RGS21: variants seen among roughly 807,000 people sequenced by gnomAD.
RGS21 encodes regulator of G protein signaling 21, also known as regulator of G-protein signalling 21.
A neutral mutation model predicts 18.7 loss-of-function variants in RGS21; 19 were observed. That is an observed-to-expected ratio of 1.01 (90% CI 0.71 to 1.49). The LOEUF is 1.49. RGS21 is among the 40% of genes most tolerant of loss of function. The probability of loss-of-function intolerance (pLI) is 0.00; values close to 1 mark genes in which losing one functional copy is unlikely to be tolerated. For missense variants in RGS21, 194 were observed against 176.8 expected, an observed-to-expected ratio of 1.10 and a Z score of -0.55; for synonymous variants, 56 against 57.8, an observed-to-expected ratio of 0.97 and a Z score of 0.14.
At chr1:192,356,006 G>GA (rs1213896957) in intron 4 of RGS21, among the ~76,000 whole-genome samples, 1 of 151,434 alleles carries the variant, frequency 6.6e-6, no homozygotes, top group African/African-American at 2.4e-5. Context: ...AACAATCCAG[G>GA]AAAAAACACA....
Position 192,327,576 on chromosome 1 carries a change from G to A in RGS21, c.-61+10471G>A, listed in dbSNP as rs192908859. Among the ~76,000 whole-genome samples, 194 of 152,002 alleles carry A rather than the reference G, an allele frequency of 1.3e-3. 1 individual carries two copies. The highest frequency in any genetic ancestry group is 6.6e-3 in the Admixed American group (101 of 15,258). On this transcript the variant is annotated intron_variant, in intron 1 of 4. Transcript: ENST00000417209. The stretch of plus-strand genomic sequence containing the variant: ...CAACCTTCACCTCCTAAATTCAAGC[G>A]ATTCTTCTGCCTCAGCCTCCCGAGT...
rs1658968254 is a variant in RGS21 at position 192,347,390 on chromosome 1, G to C, written c.88+1G>C. 1 of 1,534,410 alleles carries C rather than the reference G, an allele frequency of 6.5e-7. No homozygotes were observed. Among genetic ancestry groups the C allele is most frequent in the Admixed American group, 1.7e-5 (1 of 59,770 alleles). On this transcript the variant is annotated splice_donor_variant, in intron 3 of 4. Transcript: ENST00000417209. LOFTEE classifies it high-confidence loss of function. ...ATGGACACGCTTTTAGCCAACCAAG[G>C]TAAGATTTAACTAATAATAGGCTTA...
At chr1:192,322,940 G>A (rs1658516576) in intron 1 of RGS21, among the ~76,000 whole-genome samples, 1 of 152,036 alleles carries the variant, frequency 6.6e-6, no homozygotes, top group African/African-American at 2.4e-5. Context: ...GTTGACTTCT[G>A]TTTTTAAAAA....
At chr1:192,324,341 T>C (rs1164227557) in intron 1 of RGS21, among the ~76,000 whole-genome samples, 2 of 152,120 alleles carry the variant, frequency 1.3e-5, no homozygotes, top group Non-Finnish European at 2.9e-5. Flanking sequence ...CATTAACATA[T>C]AATTTTTCCT....
rs185647374 is a variant in RGS21 at position 192,353,151 on chromosome 1, T to C, written c.255+938T>C. Among the ~76,000 whole-genome samples the C allele has an allele frequency of 1.5e-3, 234 of 152,028 alleles. 1 individual carries two copies. The highest frequency in any genetic ancestry group is 5.4e-3 in the African/African-American group (225 of 41,524). ...GAGGATTCATGGTATGAGAGGATGG[T>C]TGTACTTATAGGAAAAAAAGATAGA... On this transcript the variant is annotated intron_variant, in intron 4 of 4. Transcript: ENST00000417209.
In RGS21 at chr1:192,352,179, A is replaced by G; in HGVS notation, c.221A>G (p.Tyr74Cys). Residue 74 changes from tyrosine to cysteine, a missense_variant, in exon 4 of 5, where the codon TAT becomes TGT. Physicochemically the swap from Tyr to Cys is radical, Grantham distance 194 (BLOSUM62 -2). Coordinates refer to ENST00000417209, the MANE Select transcript of RGS21 (RefSeq NM_001039152.3). ...ATTGCTTCCAAAGCCAAGATGATTT[A>G]TTCTGAATTCATTGAAGCTGATGCA... ...DKIASKAKMI[Y>C]SEFIEADAPK... 6.2e-7 allele frequency: 1 copy of G among 1,610,212 alleles called. No individual in the cohort carries two copies. Among genetic ancestry groups the G allele is most frequent in the South Asian group, 1.1e-5 (1 of 90,732 alleles).
intron 1 of RGS21, among the ~76,000 whole-genome samples, chr1:192,330,599 T>C (rs958376460): frequency 6.6e-6 from 1 of 152,138 alleles, no homozygotes; most frequent in Non-Finnish European, 1.5e-5. Flanking sequence ...TCAGTAAGAC[T>C]CTTCTAAGAT....
intron 1 of RGS21, among the ~76,000 whole-genome samples, chr1:192,333,059 T>C (rs1004152331): frequency 9.9e-5 from 15 of 151,482 alleles, no homozygotes; most frequent in African/African-American, 2.9e-4. Context: ...AAATATCACA[T>C]GAAAAAAAGG....
chr1:192,357,806 T>C (rs1333184275), intron 4 of RGS21, among the ~76,000 whole-genome samples: 2 of 152,084 alleles, frequency 1.3e-5, no homozygotes, highest in Non-Finnish European at 2.9e-5. Flanking sequence ...ATATTCTCTC[T>C]AATTTGTGTA....
Position 192,326,102 on chromosome 1 carries a change from A to G in RGS21, c.-61+8997A>G, listed in dbSNP as rs1488573232. On this transcript the variant is annotated intron_variant, in intron 1 of 4. Coordinates refer to ENST00000417209, the MANE Select transcript of RGS21 (RefSeq NM_001039152.3). ...CCTGCAAATATTACAACTTAAATAT[A>G]AGGAATATGGAATGACTGTTGTCTC... Among the ~76,000 whole-genome samples the G allele has an allele frequency of 3.9e-5, 6 of 152,084 alleles. No homozygotes were observed. The East Asian group carries it at 9.6e-4, about 24-fold the overall frequency.
intron 4 of RGS21, among the ~76,000 whole-genome samples, chr1:192,358,340 T>C (rs1659137814): frequency 1.3e-5 from 2 of 152,060 alleles, no homozygotes; most frequent in Non-Finnish European, 2.9e-5. Flanking sequence ...TATGCAGGGA[T>C]GAATTCCTTC....
intron 1 of RGS21, among the ~76,000 whole-genome samples, chr1:192,319,211 C>A (rs1035455565): frequency 5.9e-5 from 9 of 152,110 alleles, no homozygotes; most frequent in Admixed American, 5.2e-4. Flanking sequence ...GATTGCACCA[C>A]TGCGCTACAG....
chr1:192,331,885 A>T (rs1363774851), intron 1 of RGS21, among the ~76,000 whole-genome samples: 3 of 152,046 alleles, frequency 2.0e-5, no homozygotes, highest in Non-Finnish European at 4.4e-5. Context: ...ATGAATGAAC[A>T]TTGCATATAT....
chr1:192,318,863 G>A (rs1224640342), intron 1 of RGS21, among the ~76,000 whole-genome samples: 1 of 151,682 alleles, frequency 6.6e-6, no homozygotes, highest in African/African-American at 2.4e-5. Flanking sequence ...ATGAAAGATG[G>A]GAATAATTTT....
chr1:192,341,387 C>CTA (rs1658859337), intron 1 of RGS21, among the ~76,000 whole-genome samples: 1 of 151,972 alleles, frequency 6.6e-6, no homozygotes, highest in Non-Finnish European at 1.5e-5. Flanking sequence ...ATAATGGAGC[C>CTA]TAAACCCACT....
At chr1:192,351,978 T>C (rs1311666956) in intron 3 of RGS21, 69 bp from the exon 4 acceptor site, 3 of 792,806 alleles carry the variant, frequency 3.8e-6, no homozygotes, top group East Asian at 2.6e-5. Context: ...TATTATACAA[T>C]GTACTCATTT....
intron 2 of RGS21, among the ~76,000 whole-genome samples, chr1:192,347,075 C>T (rs1019107020): frequency 6.6e-6 from 1 of 152,054 alleles, no homozygotes; most frequent in African/African-American, 2.4e-5. Flanking sequence ...ATTTAAGAAG[C>T]CTCAAATATT....
intron 3 of RGS21, among the ~76,000 whole-genome samples, chr1:192,351,836 G>A (rs952656049): frequency 3.4e-5 from 5 of 147,618 alleles, no homozygotes; most frequent in Non-Finnish European, 6.0e-5. Context: ...TGTTATATAT[G>A]TTATATATAT....
At chr1:192,338,741 C>T (rs1016084095) in intron 1 of RGS21, among the ~76,000 whole-genome samples, 2 of 152,034 alleles carry the variant, frequency 1.3e-5, no homozygotes, top group Non-Finnish European at 2.9e-5. Context: ...TTCCCTAGCT[C>T]ATTTTCCTTT....
Sources: gnomAD v4.1 joint callset for allele counts (sites outside exome capture counted in the v4.1 genomes callset) on GRCh38, gnomAD v4.1.1 for gene constraint, MANE v1.5 for transcripts, NCBI Gene and HGNC (gene_info 2026-07-23, HGNC 2026-07-21) for gene names.